SFSWAP: variants seen among roughly 807,000 people sequenced by gnomAD.
SFSWAP encodes splicing factor SWAP.
In SFSWAP, 17 loss-of-function variants were observed where a neutral mutation model predicts 100.7. The observed-to-expected ratio is 0.17, with a 90% CI of 0.12 to 0.25. The LOEUF is 0.25. Ranked by LOEUF, SFSWAP falls within the 10% of genes least tolerant of loss-of-function variation. The pLI is 1.00. For synonymous variants in SFSWAP, 504 were observed against 510.1 expected, an observed-to-expected ratio of 0.99 and a Z score of 0.16; for missense variants, 1,005 against 1,262.6, an observed-to-expected ratio of 0.80 and a Z score of 3.09.
chr12:131,763,750 C>A (rs1882865234), intron 11 of SFSWAP, among the ~76,000 whole-genome samples: 1 of 151,504 alleles, frequency 6.6e-6, no homozygotes, highest in Non-Finnish European at 1.5e-5. Context: ...TTTAAAGAGA[C>A]CTGTTTATAG....
At chr12:131,786,321 C>G (rs1350908522) in intron 14 of SFSWAP, 142 bp from the exon 15 acceptor site, 1 of 981,266 alleles carries the variant, frequency 1.0e-6, no homozygotes, top group African/African-American at 1.7e-5. Flanking sequence ...CAGGGGTTCT[C>G]TGAAGCCTCA....
At chr12:131,788,846 C>T (rs1366814663) in intron 15 of SFSWAP, among the ~76,000 whole-genome samples, 1 of 152,196 alleles carries the variant, frequency 6.6e-6, no homozygotes, top group Admixed American at 6.5e-5. Flanking sequence ...TGTCTCAGAG[C>T]GGGCGTCCAC....
chr12:131,732,932 T>C (rs1879645325), intron 7 of SFSWAP, among the ~76,000 whole-genome samples: 1 of 152,274 alleles, frequency 6.6e-6, no homozygotes, highest in South Asian at 2.1e-4. Context: ...TGGGGCCCCG[T>C]GGGGTCTGGA....
intron 11 of SFSWAP, among the ~76,000 whole-genome samples, chr12:131,758,874 G>T (rs975175558): frequency 1.3e-5 from 2 of 152,130 alleles, no homozygotes; most frequent in Non-Finnish European, 2.9e-5. Context: ...CACTTAAGCC[G>T]GGGAGATAGA....
At chr12:131,719,630 G>A in intron 4 of SFSWAP, 91 bp downstream of exon 4, 2 of 990,668 alleles carry the variant, frequency 2.0e-6, no homozygotes. Flanking sequence ...GATTATAGCT[G>A]CTTTTTAGGC....
rs1455133789 is a variant in SFSWAP at position 131,733,082 on chromosome 12, G to C, written c.1081+4654G>C. On this transcript the variant is annotated intron_variant, in intron 7 of 17. Transcript: ENST00000261674. This position sits in a 1 kb window ranked among gnomAD's most constrained non-coding sequence, Gnocchi z 5.1. ...AATCATGCCCCACAATGAAACCAGA[G>C]CCCTGTGGCCCGCGTTTCAGACCAC... 2.6e-5 allele frequency among the ~76,000 whole-genome samples: 4 copies of C among 152,308 alleles called. No individual in the cohort carries two copies. Among genetic ancestry groups the C allele is most frequent in the Admixed American group, 2.6e-4 (4 of 15,294 alleles).
At chr12:131,738,752 T>A (rs1446374773) in intron 7 of SFSWAP, among the ~76,000 whole-genome samples, 1 of 152,178 alleles carries the variant, frequency 6.6e-6, no homozygotes, top group Non-Finnish European at 1.5e-5. Flanking sequence ...TGTATCTCTC[T>A]CTTCTAGCTG....
intron 13 of SFSWAP, among the ~76,000 whole-genome samples, chr12:131,774,314 C>T (rs1283256209): frequency 2.6e-5 from 4 of 152,148 alleles, no homozygotes; most frequent in East Asian, 1.9e-4. Context: ...GATACAAAGT[C>T]AGTCTGCTTT....
intron 16 of SFSWAP, among the ~76,000 whole-genome samples, chr12:131,798,661 G>C (rs1023609620): frequency 2.0e-5 from 3 of 152,192 alleles, no homozygotes; most frequent in African/African-American, 7.2e-5. Flanking sequence ...AGGCCAAGGC[G>C]GGTGGATCAC....
chr12:131,721,157 G>A (rs1878442298), intron 4 of SFSWAP, among the ~76,000 whole-genome samples: 1 of 152,142 alleles, frequency 6.6e-6, no homozygotes. Flanking sequence ...GCAGCACCGA[G>A]GAGATGGTGC....
rs543319826 is a variant in SFSWAP at position 131,794,506 on chromosome 12, C to T, written c.2535-2672C>T. Among the ~76,000 whole-genome samples, 45 of 152,270 alleles carry T rather than the reference C, an allele frequency of 3.0e-4. No homozygotes were observed. Among genetic ancestry groups the T allele is most frequent in the African/African-American group, 1.1e-3 (44 of 41,544 alleles). On this transcript the variant is annotated intron_variant, in intron 15 of 17. Coordinates refer to ENST00000261674, the MANE Select transcript of SFSWAP (RefSeq NM_004592.4). The surrounding 1 kb of genome is among the most constrained non-coding windows in gnomAD (Gnocchi z 4.8). Reference sequence around the variant, plus strand: ...GAGCAGGGATTATGCCCCTGCACTCCAGTTTGGGCAACAGAGGGAAACTGA... The same window carrying T: ...GAGCAGGGATTATGCCCCTGCACTCTAGTTTGGGCAACAGAGGGAAACTGA...
rs187430734 is a variant in SFSWAP, at chr12:131,774,513, G to A, written c.2143-3552G>A. On this transcript the variant is annotated intron_variant, in intron 13 of 17. Coordinates refer to ENST00000261674, the MANE Select transcript of SFSWAP (RefSeq NM_004592.4). The stretch of plus-strand genomic sequence containing the variant: ...TTTCAGAAGTTATTTGCTTTGTCCC[G>A]GACTCTACCTAAACCAATGTACGTC... Among the ~76,000 whole-genome samples the A allele has an allele frequency of 3.5e-3, 536 of 152,100 alleles. 2 individuals are homozygous for A. Among genetic ancestry groups the A allele is most frequent in the South Asian group, 0.011 (54 of 4,816 alleles).
chr12:131,788,601 C>CT (rs1400268062), intron 15 of SFSWAP, among the ~76,000 whole-genome samples: 2 of 151,244 alleles, frequency 1.3e-5, no homozygotes, highest in Non-Finnish European at 1.5e-5. Flanking sequence ...TCACAGCTCA[C>CT]TGCAGCTTCT....
rs1243027398 is a variant in SFSWAP at position 131,799,493 on chromosome 12, G to A, written c.*5G>A. 6.2e-7 allele frequency: 1 copy of A among 1,613,510 alleles called. No homozygotes were observed. Among genetic ancestry groups the A allele is most frequent in the African/African-American group, 1.3e-5 (1 of 74,940 alleles). On this transcript the variant is annotated 3_prime_UTR_variant, in exon 18 of 18. Transcript: ENST00000261674. ...CTGCAAACCAGCGCTTCCTGAGACGGGGCCAGCGGAGGCAGAGCCGGGAGG... is the reference window on the plus strand; with the variant it reads ...CTGCAAACCAGCGCTTCCTGAGACGAGGCCAGCGGAGGCAGAGCCGGGAGG...
chr12:131,741,161 A>G (rs549324132), intron 7 of SFSWAP, among the ~76,000 whole-genome samples: 12 of 151,612 alleles, frequency 7.9e-5, no homozygotes, highest in African/African-American at 2.7e-4. Flanking sequence ...TAGTAGAGAC[A>G]GGGTTTCACC....
chr12:131,766,605 C>A (rs1368950337), intron 13 of SFSWAP, among the ~76,000 whole-genome samples: 1 of 152,320 alleles, frequency 6.6e-6, no homozygotes, highest in African/African-American at 2.4e-5. Context: ...GGGAGTGCCT[C>A]CCATGGGTCC....
chr12:131,719,536 G>A lies in SFSWAP; in HGVS notation c.603G>A (p.Glu201=). 1 of 1,609,758 alleles carries A rather than the reference G, an allele frequency of 6.2e-7. No individual in the cohort carries two copies. The highest frequency in any genetic ancestry group is 8.5e-7 in the Non-Finnish European group (1 of 1,176,012). The part of the protein sequence containing the change: ...PLGLSVPSDV[E]LPPTAKMHAI... The stretch of plus-strand genomic sequence containing the variant: ...GATTGAGCGTCCCGTCTGACGTGGA[G>A]TTGGTATGTGTCCTGCATGAGCACT... Residue 201 remains glutamate (E), a synonymous_variant, in exon 4 of 18, where the codon GAG becomes GAA. Transcript: ENST00000261674.
chr12:131,738,562 G>A lies in SFSWAP; in HGVS notation c.1081+10134G>A, dbSNP rs114996535. ...AAAAATGAAGTAACTGTCGAACTTC[G>A]GATGAAAGTTTCTTTTATGCCTAAA... On this transcript the variant is annotated intron_variant, in intron 7 of 17. Coordinates refer to ENST00000261674, the MANE Select transcript of SFSWAP (RefSeq NM_004592.4). Among the ~76,000 whole-genome samples the A allele has an allele frequency of 5.2e-3, 789 of 152,218 alleles. 7 individuals are homozygous for A. Among genetic ancestry groups the A allele is most frequent in the African/African-American group, 0.017 (726 of 41,546 alleles).
At chr12:131,789,305 C>T (rs1174446857) in intron 15 of SFSWAP, among the ~76,000 whole-genome samples, 1 of 152,176 alleles carries the variant, frequency 6.6e-6, no homozygotes, top group Non-Finnish European at 1.5e-5. Context: ...TGATTATTGC[C>T]TGATTCTTTC....
Sources: allele counts gnomAD v4.1 joint callset (sites outside exome capture counted in the v4.1 genomes callset), GRCh38; gene constraint gnomAD v4.1.1; non-coding constraint Gnocchi (gnomAD v3.1); transcripts MANE v1.5; gene names NCBI Gene and HGNC (gene_info 2026-07-23, HGNC 2026-07-21).